Variants in MTHFD1L observed in about 807,000 individuals in gnomAD.
The protein encoded by MTHFD1L is methylenetetrahydrofolate dehydrogenase (NADP+ dependent) 1 like.
MTHFD1L carries 81 observed loss-of-function variants against 119.5 expected under a neutral mutation model. The ratio of observed to expected loss-of-function variants is 0.68; its 90% CI spans 0.57 to 0.82. MTHFD1L has a LOEUF of 0.82. MTHFD1L is among the 40% of genes least tolerant of loss of function. The pLI, the probability that MTHFD1L is intolerant of heterozygous loss-of-function variation, is 0.00. For missense variants in MTHFD1L, 1,125 were observed against 1,253.4 expected (o/e 0.90, Z 1.55); for synonymous variants, 430 against 475.2 (o/e 0.90, Z 1.24).
chr6:151,081,286 C>A (rs183848717), intron 26 of MTHFD1L, among the ~76,000 whole-genome samples: 1 of 152,210 alleles, frequency 6.6e-6, no homozygotes, highest in African/African-American at 2.4e-5. Context: ...AGGTGACTCC[C>A]CCTTCTCCAA....
intron 11 of MTHFD1L, among the ~76,000 whole-genome samples, chr6:150,928,218 A>G (rs1431234823): frequency 6.6e-6 from 1 of 151,776 alleles, no homozygotes; most frequent in Middle Eastern, 3.2e-3. Context: ...GGTGGATCAC[A>G]AGGTCAGGAG....
intron 20 of MTHFD1L, among the ~76,000 whole-genome samples, chr6:151,001,582 G>A (rs1157851993): frequency 3.9e-5 from 6 of 152,116 alleles, no homozygotes; most frequent in South Asian, 2.1e-4. Context: ...CCCATCCAGC[G>A]AAGGGAGAGC....
rs1042675823 is a variant in MTHFD1L, at chr6:150,926,439, T to G, written c.1256+144T>G. ...TTTCATTTGGCATTTCTTTATTTGG[T>G]GTGAGATAAGTTTTTATTTTCAGTG... On this transcript the variant is annotated intron_variant, in intron 11 of 27. Coordinates refer to ENST00000367321, the MANE Select transcript of MTHFD1L (RefSeq NM_015440.5). This position sits in a 1 kb window ranked among gnomAD's most constrained non-coding sequence, Gnocchi z 4.3. 19 of 822,822 alleles carry G rather than the reference T, an allele frequency of 2.3e-5. No homozygotes were observed. The highest frequency in any genetic ancestry group is 3.2e-5 in the Admixed American group (1 of 31,682). 51.0% of individuals were successfully genotyped at this position (822,822 alleles called of 1,614,324 possible). A position where few individuals can be genotyped will look rare whatever the true frequency, so the allele number is the denominator to read the frequency against.
chr6:150,976,300 C>A (rs1323920787), intron 20 of MTHFD1L, among the ~76,000 whole-genome samples: 1 of 152,182 alleles, frequency 6.6e-6, no homozygotes, highest in Non-Finnish European at 1.5e-5. Context: ...TGAAGAAATT[C>A]TTTCCCAGGT....
chr6:150,891,484 A>C (rs1342085996), intron 7 of MTHFD1L, among the ~76,000 whole-genome samples: 1 of 148,136 alleles, frequency 6.8e-6, no homozygotes, highest in East Asian at 1.9e-4. Context: ...TATTTAGGTC[A>C]GGACATTTAG....
At position 151,009,907 on chromosome 6, in the gene MTHFD1L, T is replaced by C; in HGVS notation, c.2214T>C (p.Val738=). 1 of 1,613,742 alleles carries C rather than the reference T, an allele frequency of 6.2e-7. No homozygotes were observed. The highest frequency in any genetic ancestry group is 8.5e-7 in the Non-Finnish European group (1 of 1,179,878). The change falls in exon 21 of 28, where the codon GTT becomes GTC. Residue 738 remains valine, a synonymous_variant. Transcript: ENST00000367321. Reference sequence around the variant, plus strand: ...CTTCCGGCTTGGTGCCCAACGTGGTTGTGTTAGTGGCAACGGTGCGAGCTC... The same window carrying C: ...CTTCCGGCTTGGTGCCCAACGTGGTCGTGTTAGTGGCAACGGTGCGAGCTC... ...CRASGLVPNV[V]VLVATVRALK...
intron 22 of MTHFD1L, among the ~76,000 whole-genome samples, chr6:151,014,570 C>A (rs1337664357): frequency 6.6e-6 from 1 of 152,216 alleles, no homozygotes. Context: ...CAGAGCTCCT[C>A]ACCCACCTGG....
intron 27 of MTHFD1L, among the ~76,000 whole-genome samples, chr6:151,096,745 G>A (rs527833290): frequency 5.9e-5 from 9 of 152,298 alleles, no homozygotes; most frequent in Middle Eastern, 3.4e-3. Flanking sequence ...TTGAAGGCGC[G>A]TTCCACTCAG....
At position 150,926,146 on chromosome 6, in the gene MTHFD1L, A is replaced by G. The variant is rs367598413; in HGVS notation, c.1107A>G (p.Gln369=). The G allele has an allele frequency of 1.9e-6, 3 of 1,613,828 alleles. No individual in the cohort carries two copies. The highest frequency in any genetic ancestry group is 2.5e-6 in the Non-Finnish European group (3 of 1,179,780). Residue 369 remains glutamine (Q), a synonymous_variant, in exon 11 of 28, where the codon CAA becomes CAG. Transcript: ENST00000367321. This position sits in a 1 kb window ranked among gnomAD's most constrained non-coding sequence, Gnocchi z 4.3. The part of the protein sequence containing the change: ...VPSDIEISRG[Q]TPKAVDVLAK... ...GTGACATTGAGATTTCAAGAGGACA[A>G]ACTCCAAAAGCTGTGGATGTCCTTG...
chr6:150,911,330 A>G (rs944690006), intron 8 of MTHFD1L, among the ~76,000 whole-genome samples: 5 of 152,194 alleles, frequency 3.3e-5, no homozygotes, highest in Non-Finnish European at 5.9e-5. Context: ...TTTAAAAACT[A>G]GTGATATGCT....
intron 26 of MTHFD1L, among the ~76,000 whole-genome samples, chr6:151,056,609 G>C (rs115098112): frequency 6.6e-6 from 1 of 152,162 alleles, no homozygotes; most frequent in African/African-American, 2.4e-5. Flanking sequence ...CTATAACGTC[G>C]TGTTCTTGTC....
At chr6:150,869,519 T>C (rs1055800512) in intron 1 of MTHFD1L, among the ~76,000 whole-genome samples, 8 of 152,156 alleles carry the variant, frequency 5.3e-5, no homozygotes, top group Non-Finnish European at 1.2e-4. Context: ...TGCTTTCTTA[T>C]GGCTGCAATT....
intron 26 of MTHFD1L, among the ~76,000 whole-genome samples, chr6:151,064,750 GTGTTTGCTAATCTTAAAATGTGTT>G (rs1446680859): frequency 4.0e-5 from 6 of 151,810 alleles, no homozygotes; most frequent in Non-Finnish European, 8.8e-5. Flanking sequence ...AAGGTAGCAA[GTGTTTGCTAATCTTAAAATGTGTT>G]ACTATTCTTT....
intron 7 of MTHFD1L, among the ~76,000 whole-genome samples, chr6:150,897,132 G>A (rs1240390648): frequency 6.6e-6 from 1 of 151,984 alleles, no homozygotes; most frequent in Non-Finnish European, 1.5e-5. Flanking sequence ...AAGCCGGTTG[G>A]GGTGGGGGCA....
chr6:150,969,092 C>T lies in MTHFD1L; in HGVS notation c.2014-2855C>T, dbSNP rs1423614401. 9.2e-5 allele frequency among the ~76,000 whole-genome samples: 14 copies of T among 151,858 alleles called. No individual in the cohort carries two copies. In the South Asian group the frequency reaches 2.7e-3, roughly 29 times the overall value. On this transcript the variant is annotated intron_variant, in intron 19 of 27. Transcript: ENST00000367321. Reference sequence around the variant, plus strand: ...TCGAACTCCTGACCTCATGATCCACCCACCTCGGCCTCCCAAAGTGCTGGG... The same window carrying T: ...TCGAACTCCTGACCTCATGATCCACTCACCTCGGCCTCCCAAAGTGCTGGG...
At chr6:150,933,333 G>A (rs1791483123) in intron 11 of MTHFD1L, among the ~76,000 whole-genome samples, 1 of 152,108 alleles carries the variant, frequency 6.6e-6, no homozygotes, top group Admixed American at 6.6e-5. Flanking sequence ...GTACTTAAAT[G>A]ACACCATATT....
intron 20 of MTHFD1L, among the ~76,000 whole-genome samples, chr6:151,001,625 G>A (rs1161222307): frequency 2.6e-5 from 4 of 152,140 alleles, no homozygotes; most frequent in African/African-American, 9.7e-5. Context: ...AGGAAGGCAA[G>A]TCTTGGGATC....
intron 7 of MTHFD1L, among the ~76,000 whole-genome samples, chr6:150,892,927 TG>T (rs144422611): frequency 0.11 from 16,476 of 152,190 alleles, 1,044 homozygotes; most frequent in African/African-American, 0.16. Flanking sequence ...AATGGCTGTC[TG>T]GAGGCCACAG....
At chr6:151,021,016 C>G (rs185742076) in intron 24 of MTHFD1L, among the ~76,000 whole-genome samples, 94 of 152,288 alleles carry the variant, frequency 6.2e-4, no homozygotes, top group Non-Finnish European at 1.1e-3. Flanking sequence ...GAAATGGACG[C>G]TTGATAGGAG....
Sources: allele counts gnomAD v4.1 joint callset (sites outside exome capture counted in the v4.1 genomes callset), GRCh38; gene constraint gnomAD v4.1.1; non-coding constraint Gnocchi (gnomAD v3.1); transcripts MANE v1.5; gene names NCBI Gene and HGNC (gene_info 2026-07-23, HGNC 2026-07-21).